TENM1: variants seen among roughly 807,000 people sequenced by gnomAD.
TENM1 encodes the protein teneurin-1.
In TENM1, 35 loss-of-function variants were observed where a neutral mutation model predicts 174.8. The observed-to-expected ratio is 0.20, with a 90% CI of 0.15 to 0.27. TENM1 has a LOEUF of 0.27. Ranked by LOEUF, TENM1 falls within the 10% of genes least tolerant of loss-of-function variation. The pLI is 1.00. For synonymous variants in TENM1, 781 were observed against 798.7 expected (o/e 0.98, Z 0.37); for missense variants, 1,633 against 2,130.1 (o/e 0.77, Z 4.59).
intron 5 of TENM1, among the ~76,000 whole-genome samples, chrX:124,678,477 T>C (rs1215299202): frequency 9.0e-6 from 1 of 111,395 alleles, no homozygotes; most frequent in African/African-American, 3.3e-5. Flanking sequence ...ACAATGATAA[T>C]GTATTCATGT....
rs141155231 is a variant in TENM1, at chrX:124,384,176, G to C, written c.6755C>G (p.Thr2252Ser). Residue 2252 changes from threonine (T) to serine (S), a missense_variant, in exon 30 of 32, where the codon ACT becomes AGT. This residue lies in a region of TENM1 where 807 missense variants were observed against 1,125.3 expected (regional missense o/e 0.72). Transcript: ENST00000422452. ...AAGCCCATCATAGTAATACTGCACAGTCCAGCCAGAAGCCTTATTGTAGGC... is the reference window on the plus strand; with the variant it reads ...AAGCCCATCATAGTAATACTGCACACTCCAGCCAGAAGCCTTATTGTAGGC... 454 of 1,209,473 alleles carry C rather than the reference G, an allele frequency of 3.8e-4. 3 individuals are homozygous for C. The East Asian group carries it at 0.013, about 34-fold the overall frequency.
At chrX:125,134,711 G>C in the TENM1 span, among the ~76,000 whole-genome samples, 1 of 112,199 alleles carries the variant, frequency 8.9e-6, no homozygotes, top group Non-Finnish European at 1.9e-5. Context: ...AACACTCAGA[G>C]GGAAGAAAAT....
chrX:124,656,945 C>T (rs916895849), intron 6 of TENM1, among the ~76,000 whole-genome samples: 1 of 109,474 alleles, frequency 9.1e-6, no homozygotes, highest in Non-Finnish European at 1.9e-5. Context: ...AAAACCCTGT[C>T]TCCAGTTAAA....
intron 1 of TENM1, among the ~76,000 whole-genome samples, chrX:124,952,305 T>C (rs1478461905): frequency 9.3e-6 from 1 of 107,845 alleles, no homozygotes; most frequent in African/African-American, 3.4e-5. Flanking sequence ...CCATTACAAA[T>C]TGATTCACTT....
exon 32 of TENM1, chrX:124,379,681 C>T (rs998233567): frequency 1.8e-5 from 2 of 112,215 alleles, no homozygotes; most frequent in Admixed American, 1.9e-4. Flanking sequence ...GATACTGAAT[C>T]ACTAATGTGA....
chrX:125,119,123 G>T, the TENM1 span, among the ~76,000 whole-genome samples: 1 of 111,960 alleles, frequency 8.9e-6, no homozygotes, highest in Non-Finnish European at 1.9e-5. Flanking sequence ...ACTTGTTCTA[G>T]TTCCTTCAAA....
intron 3 of TENM1, among the ~76,000 whole-genome samples, chrX:124,821,136 A>G (rs1318068417): frequency 1.8e-5 from 2 of 112,430 alleles, no homozygotes; most frequent in African/African-American, 3.2e-5. Flanking sequence ...CTTGTCATTT[A>G]TCAATATCTT....
At chrX:124,610,119 G>A (rs188227798) in intron 11 of TENM1, among the ~76,000 whole-genome samples, 3 of 111,930 alleles carry the variant, frequency 2.7e-5, no homozygotes, top group Non-Finnish European at 3.8e-5. Context: ...TCCATTAGAC[G>A]GAGAGGAGAT....
intron 22 of TENM1, among the ~76,000 whole-genome samples, chrX:124,464,323 T>A (rs1439490532): frequency 8.9e-6 from 1 of 112,001 alleles, no homozygotes; most frequent in Non-Finnish European, 1.9e-5. Flanking sequence ...AAAAGCAAAC[T>A]AAGTATACCT....
the TENM1 span, among the ~76,000 whole-genome samples, chrX:124,999,160 G>T: frequency 9.0e-6 from 1 of 110,753 alleles, no homozygotes; most frequent in Admixed American, 9.6e-5. Context: ...TTCCCTAGAA[G>T]AAAATGTCTT....
chrX:125,038,020 C>T, the TENM1 span, among the ~76,000 whole-genome samples: 1 of 111,543 alleles, frequency 9.0e-6, no homozygotes, highest in Non-Finnish European at 1.9e-5. Flanking sequence ...GCAAGACTGT[C>T]AGTAAAATAA....
At chrX:124,985,448 A>G in the TENM1 span, among the ~76,000 whole-genome samples, 1 of 112,237 alleles carries the variant, frequency 8.9e-6, no homozygotes. Flanking sequence ...CCAGGCAAGT[A>G]TGACTAACAC....
At chrX:124,988,130 T>C in the TENM1 span, among the ~76,000 whole-genome samples, 25 of 111,549 alleles carry the variant, frequency 2.2e-4, no homozygotes, top group African/African-American at 6.8e-4. Context: ...GAGAAATAAA[T>C]ACCTTGAGAT....
intron 3 of TENM1, among the ~76,000 whole-genome samples, chrX:124,859,258 A>T (rs6649294): frequency 0.089 from 9,858 of 110,703 alleles, 506 homozygotes; most frequent in East Asian, 0.45. Flanking sequence ...AAAATGTTTG[A>T]GGTTGGCCAG....
intron 3 of TENM1, among the ~76,000 whole-genome samples, chrX:124,779,138 G>A (rs1463068833): frequency 8.9e-6 from 1 of 111,884 alleles, no homozygotes; most frequent in East Asian, 2.8e-4. Flanking sequence ...GTATTTTACA[G>A]TAAGTTTCTG....
chrX:124,950,610 T>C (rs867729626), intron 1 of TENM1, among the ~76,000 whole-genome samples: 1 of 111,976 alleles, frequency 8.9e-6, no homozygotes, highest in African/African-American at 3.2e-5. Context: ...AAAGTTTATG[T>C]AGAATTATAA....
At chrX:125,121,702 G>C in the TENM1 span, among the ~76,000 whole-genome samples, 1 of 111,907 alleles carries the variant, frequency 8.9e-6, no homozygotes, top group African/African-American at 3.2e-5. Context: ...GGTTGACTCA[G>C]TTGTAAACAT....
intron 3 of TENM1, among the ~76,000 whole-genome samples, chrX:124,795,721 A>T (rs1024671839): frequency 4.6e-5 from 5 of 108,900 alleles, no homozygotes; most frequent in South Asian, 4.0e-4. Flanking sequence ...TTTTTTTTTT[A>T]AATTTAGGCG....
intron 3 of TENM1, among the ~76,000 whole-genome samples, chrX:124,742,207 T>C (rs748794998): frequency 3.6e-5 from 4 of 111,511 alleles, no homozygotes; most frequent in Non-Finnish European, 7.5e-5. Context: ...CTATGCAGTG[T>C]ACGTTGTCAA....
Sources: allele counts gnomAD v4.1 joint callset (sites outside exome capture counted in the v4.1 genomes callset), GRCh38; gene constraint gnomAD v4.1.1; regional missense constraint gnomAD v4.1.1; transcripts MANE v1.5; gene names NCBI Gene and HGNC (gene_info 2026-07-23, HGNC 2026-07-21).